The following RNF214 variants were observed in gnomAD, a reference collection of about 807,000 sequenced individuals.
RNF214 encodes the protein ring finger protein 214.
Under a neutral mutation model 75.9 loss-of-function variants are expected in RNF214, and 25 were observed. The observed-to-expected ratio is 0.33, with a 90% CI of 0.24 to 0.46. RNF214 has a LOEUF of 0.46. Ranked by LOEUF, RNF214 falls within the 20% of genes least tolerant of loss-of-function variation. The pLI is 1.00. For missense variants in RNF214, 725 were observed against 857.5 expected (o/e 0.85, Z 1.93); for synonymous variants, 314 against 308.8 (o/e 1.02, Z -0.18).
intron 6 of RNF214, among the ~76,000 whole-genome samples, chr11:117,275,534 T>TA (rs1483778799): frequency 1.3e-5 from 2 of 152,130 alleles, no homozygotes; most frequent in Non-Finnish European, 2.9e-5. Context: ...CAAATAAACT[T>TA]AGTCAAAAAT....
intron 8 of RNF214, among the ~76,000 whole-genome samples, chr11:117,280,638 C>T (rs975073685): frequency 2.0e-5 from 3 of 152,168 alleles, no homozygotes; most frequent in African/African-American, 7.2e-5. Context: ...CATCACTGCA[C>T]TCCAGCCTAG....
At chr11:117,235,992 G>A (rs913085730) in intron 2 of RNF214, among the ~76,000 whole-genome samples, 1 of 151,538 alleles carries the variant, frequency 6.6e-6, no homozygotes, top group African/African-American at 2.4e-5. Context: ...AGAGACTCTT[G>A]CCCTGTCCCC....
intron 6 of RNF214, among the ~76,000 whole-genome samples, chr11:117,268,210 T>A (rs1165539926): frequency 6.6e-6 from 1 of 152,242 alleles, no homozygotes; most frequent in Non-Finnish European, 1.5e-5. Context: ...CTGTTCTTAG[T>A]CATATTGTTC....
At chr11:117,258,996 G>A (rs1042317963) in intron 6 of RNF214, among the ~76,000 whole-genome samples, 5 of 151,876 alleles carry the variant, frequency 3.3e-5, no homozygotes, top group Admixed American at 6.6e-5. Context: ...TCACTCTGTC[G>A]TCCAAGCTGG....
chr11:117,278,305 A>T (rs1338495655), intron 6 of RNF214, among the ~76,000 whole-genome samples: 1 of 152,188 alleles, frequency 6.6e-6, no homozygotes, highest in Non-Finnish European at 1.5e-5. Context: ...CTCTGTCTCA[A>T]AACAAAACAA....
At chr11:117,251,350 C>T (rs2033381093) in intron 6 of RNF214, among the ~76,000 whole-genome samples, 1 of 137,840 alleles carries the variant, frequency 7.3e-6, no homozygotes, top group African/African-American at 2.7e-5. Flanking sequence ...CCCCTCACCT[C>T]CCGGACGGGG....
At chr11:117,284,520 G>A (rs2034203556) in intron 14 of RNF214, among the ~76,000 whole-genome samples, 1 of 152,130 alleles carries the variant, frequency 6.6e-6, no homozygotes, top group East Asian at 1.9e-4. Flanking sequence ...AGCCACACTA[G>A]ACATTCAACA....
intron 6 of RNF214, among the ~76,000 whole-genome samples, chr11:117,275,636 T>G (rs2134413431): frequency 6.6e-6 from 1 of 152,230 alleles, no homozygotes; most frequent in Non-Finnish European, 1.5e-5. Context: ...CCAGAAAACC[T>G]AGATGAACTG....
At chr11:117,246,673 C>A in intron 5 of RNF214, 136 bp from the exon 6 acceptor site, 1 of 910,868 alleles carries the variant, frequency 1.1e-6, no homozygotes. Flanking sequence ...TACTCATCAA[C>A]CACATTCTTT....
intron 6 of RNF214, among the ~76,000 whole-genome samples, chr11:117,275,114 C>T (rs2033989912): frequency 6.6e-6 from 1 of 152,116 alleles, no homozygotes; most frequent in Non-Finnish European, 1.5e-5. Flanking sequence ...AAGAGGAACT[C>T]TCAAACCTAT....
At position 117,239,647 on chromosome 11, in the gene RNF214, C is replaced by T. The variant is rs552503860; in HGVS notation, c.619-154C>T. The T allele has an allele frequency of 2.4e-4, 151 of 636,278 alleles. 1 individual carries two copies. The highest frequency in any genetic ancestry group is 2.3e-3 in the South Asian group (139 of 59,632). The allele number at this position is 636,278 out of a possible 1,614,324, so 39.4% of individuals were successfully genotyped here. ...TTAATGCAGCGTGGATGTTGGTGTCCGTTTGCCAGAACTACATTGCTTAGC... is the reference window on the plus strand; with the variant it reads ...TTAATGCAGCGTGGATGTTGGTGTCTGTTTGCCAGAACTACATTGCTTAGC... On this transcript the variant is annotated intron_variant, in intron 3 of 14. Transcript: ENST00000300650.
At chr11:117,279,813 T>C (rs530182893) in intron 6 of RNF214, 95 bp from the exon 7 acceptor site, 1 of 764,532 alleles carries the variant, frequency 1.3e-6, no homozygotes, top group African/African-American at 1.7e-5. Context: ...TGTAACATAC[T>C]TGGCTGACCA....
intron 6 of RNF214, among the ~76,000 whole-genome samples, chr11:117,278,086 C>T (rs998430011): frequency 1.3e-5 from 2 of 151,916 alleles, no homozygotes; most frequent in African/African-American, 4.8e-5. Flanking sequence ...GGGTGGATCA[C>T]GAGGTCAGGA....
chr11:117,282,420 A>G lies in RNF214; in HGVS notation c.1729A>G (p.Ile577Val). 2 of 1,613,942 alleles carry G rather than the reference A, an allele frequency of 1.2e-6. No homozygotes were observed. Among genetic ancestry groups the G allele is most frequent in the Non-Finnish European group, 1.7e-6 (2 of 1,179,894 alleles). Residue 577 changes from isoleucine to valine, a missense_variant, in exon 12 of 15, where the codon ATT becomes GTT. Coordinates refer to ENST00000300650, the MANE Select transcript of RNF214 (RefSeq NM_207343.4). ...PQCNKAQMTNILQQIKTARTT... is the reference protein window; with the variant it reads ...PQCNKAQMTNVLQQIKTARTT... The stretch of plus-strand genomic sequence containing the variant: ...TTTCCTCAGGGCCCAGATGACCAAC[A>G]TTCTTCAGCAGATCAAGACAGCACG...
chr11:117,266,672 T>C (rs896750899), intron 6 of RNF214, among the ~76,000 whole-genome samples: 4 of 151,916 alleles, frequency 2.6e-5, no homozygotes, highest in African/African-American at 9.7e-5. Context: ...ATTTATGAAA[T>C]TTTCTGACAT....
At chr11:117,233,226 C>T (rs2032780070) in intron 1 of RNF214, among the ~76,000 whole-genome samples, 1 of 152,212 alleles carries the variant, frequency 6.6e-6, no homozygotes, top group Non-Finnish European at 1.5e-5. Flanking sequence ...TCACCGGGCG[C>T]AGAGGACCCC....
At chr11:117,234,484 C>A in intron 2 of RNF214, 105 bp downstream of exon 2, 2 of 760,626 alleles carry the variant, frequency 2.6e-6, no homozygotes, top group Non-Finnish European at 4.7e-6. Flanking sequence ...ACTGCACTAG[C>A]TTTTTAAAGG....
chr11:117,255,306 T>A (rs1231663541), intron 6 of RNF214, among the ~76,000 whole-genome samples: 1 of 152,174 alleles, frequency 6.6e-6, no homozygotes, highest in East Asian at 1.9e-4. Context: ...TCTACCTGTG[T>A]GTGCATCCCA....
intron 6 of RNF214, among the ~76,000 whole-genome samples, chr11:117,254,788 T>C (rs1207115010): frequency 2.6e-5 from 4 of 152,010 alleles, no homozygotes; most frequent in Admixed American, 1.3e-4. Flanking sequence ...CATGCCCGGC[T>C]AATTTTTTAT....
Sources: allele counts gnomAD v4.1 joint callset (sites outside exome capture counted in the v4.1 genomes callset), GRCh38; gene constraint gnomAD v4.1.1; transcripts MANE v1.5; gene names NCBI Gene and HGNC (gene_info 2026-07-23, HGNC 2026-07-21).